Variants in RUFY4 observed in about 807,000 individuals in gnomAD.
The protein encoded by RUFY4 is RUN and FYVE domain-containing protein 4.
Under a neutral mutation model 69.0 loss-of-function variants are expected in RUFY4, and 73 were observed. The observed-to-expected ratio is 1.06, with a 90% CI of 0.88 to 1.29. The LOEUF (loss-of-function observed/expected upper bound fraction) is 1.29. Among genes scored for constraint, RUFY4 ranks in the 50% most tolerant of loss-of-function variants. The pLI is 0.00. For missense variants in RUFY4, 770 were observed against 705.6 expected, an observed-to-expected ratio of 1.09 and a Z score of -1.03; for synonymous variants, 287 against 271.8, an observed-to-expected ratio of 1.06 and a Z score of -0.55.
intron 2 of RUFY4, among the ~76,000 whole-genome samples, chr2:218,048,225 G>C (rs1358645943): frequency 6.6e-6 from 1 of 152,118 alleles, no homozygotes; most frequent in Non-Finnish European, 1.5e-5. Context: ...CACGATTGCT[G>C]ACCACATGTA....
chr2:218,052,942 T>G (rs1688979730), intron 2 of RUFY4, among the ~76,000 whole-genome samples: 1 of 152,032 alleles, frequency 6.6e-6, no homozygotes, highest in Non-Finnish European at 1.5e-5. Flanking sequence ...TGACATTTGA[T>G]TCCACTTATT....
intron 9 of RUFY4, among the ~76,000 whole-genome samples, chr2:218,086,723 G>A (rs1172112123): frequency 6.6e-6 from 1 of 152,084 alleles, no homozygotes; most frequent in Non-Finnish European, 1.5e-5. Context: ...GAGAAGATGT[G>A]GAATTCAGGG....
At chr2:218,065,177 C>T (rs145626209), upstream of RUFY4, among the ~76,000 whole-genome samples, 2 of 152,318 alleles carry the variant, frequency 1.3e-5, no homozygotes, top group African/African-American at 4.8e-5. Flanking sequence ...CACATCGAGT[C>T]CTTTATCCAA....
At chr2:218,036,578 A>G (rs1321121036) in intron 2 of RUFY4, among the ~76,000 whole-genome samples, 1 of 152,252 alleles carries the variant, frequency 6.6e-6, no homozygotes, top group Non-Finnish European at 1.5e-5. Context: ...TAGATGACGT[A>G]AAACTTTGGG....
chr2:218,039,885 C>T (rs184728601), intron 2 of RUFY4, among the ~76,000 whole-genome samples: 1 of 152,226 alleles, frequency 6.6e-6, no homozygotes, highest in African/African-American at 2.4e-5. Context: ...CACCAGACTA[C>T]CTCAAAGCAG....
intron 2 of RUFY4, among the ~76,000 whole-genome samples, chr2:218,040,861 A>T (rs967974545): frequency 1.2e-4 from 18 of 152,126 alleles, no homozygotes; most frequent in African/African-American, 4.3e-4. Flanking sequence ...ACTGAAATCT[A>T]TAGGGGTACG....
upstream of RUFY4, among the ~76,000 whole-genome samples, chr2:218,066,717 G>A (rs1689341224): frequency 6.6e-6 from 1 of 152,208 alleles, no homozygotes; most frequent in African/African-American, 2.4e-5. Flanking sequence ...TTGCATTGCT[G>A]CAATGCTATT....
At chr2:218,073,927 T>C in intron 6 of RUFY4, 42 bp downstream of exon 8, 1 of 1,592,518 alleles carries the variant, frequency 6.3e-7, no homozygotes, top group Non-Finnish European at 8.6e-7. Context: ...CTCTTCCCCA[T>C]CTCCTTGGCA....
chr2:218,051,201 A>G (rs1413705714), intron 2 of RUFY4, among the ~76,000 whole-genome samples: 1 of 152,218 alleles, frequency 6.6e-6, no homozygotes, highest in Non-Finnish European at 1.5e-5. Context: ...TAATTGTTAA[A>G]CATAGCTTTA....
intron 2 of RUFY4, among the ~76,000 whole-genome samples, chr2:218,051,124 C>T (rs1033939687): frequency 1.3e-5 from 2 of 152,144 alleles, no homozygotes. Flanking sequence ...ATCTTCCCAC[C>T]TCAGCCTCCC....
At chr2:218,040,146 T>C (rs1959041075) in intron 2 of RUFY4, among the ~76,000 whole-genome samples, 2 of 152,214 alleles carry the variant, frequency 1.3e-5, no homozygotes, top group African/African-American at 4.8e-5. Context: ...ATAAAAGTGA[T>C]CATCCATAGA....
In RUFY4 at chr2:218,075,077, T is replaced by G; in HGVS notation, c.601-16T>G. 6.7e-7 allele frequency: 1 copy of G among 1,496,146 alleles called. No individual in the cohort carries two copies. The highest frequency in any genetic ancestry group is 8.9e-7 in the Non-Finnish European group (1 of 1,118,916). The allele number at this position is 1,496,146 out of a possible 1,614,324, so 92.7% of individuals were successfully genotyped here. ...TGGTGCTGAGAGGGATGACTGGTTT[T>G]GGGTCCTCTCCACAGATCCCAGCCG... is the stretch of plus-strand genomic sequence containing the variant. On this transcript the variant is annotated splice_polypyrimidine_tract_variant and intron_variant, in intron 6 of 10. Transcript: ENST00000344321.
At chr2:218,053,778 G>A (rs868689539) in intron 2 of RUFY4, among the ~76,000 whole-genome samples, 2 of 152,126 alleles carry the variant, frequency 1.3e-5, no homozygotes, top group African/African-American at 4.8e-5. Flanking sequence ...GATTACAGGC[G>A]TGAGCCACCG....
chr2:218,061,019 A>G (rs754786558), intron 3 of RUFY4: 5 of 727,830 alleles, frequency 6.9e-6, no homozygotes, highest in Non-Finnish European at 1.0e-5. Context: ...CCAGTAGTAG[A>G]ATACCACCGT....
chr2:218,049,081 G>C (rs1688888715), intron 2 of RUFY4, among the ~76,000 whole-genome samples: 1 of 152,204 alleles, frequency 6.6e-6, no homozygotes, highest in Non-Finnish European at 1.5e-5. Context: ...TTTCATGGCT[G>C]TACTGGCTGG....
upstream of RUFY4, chr2:218,034,950 T>G (rs730232): frequency 0.23 from 35,329 of 152,406 alleles, 5,246 homozygotes; most frequent in East Asian, 0.41. Context: ...CAAGAGCAGG[T>G]GCTGAAAACG....
upstream of RUFY4, among the ~76,000 whole-genome samples, chr2:218,068,137 G>GGAGGATGGCAAGGGGTTA (rs1335551474): frequency 7.5e-6 from 1 of 133,624 alleles, no homozygotes; most frequent in East Asian, 2.4e-4. Flanking sequence ...GCAGGGGACT[G>GGAGGATGGCAAGGGGTTA]GAGGAGGGCA....
intron 10 of RUFY4, chr2:218,089,721 C>T (rs778931307): frequency 2.6e-5 from 18 of 703,718 alleles, no homozygotes; most frequent in South Asian, 2.4e-4. Flanking sequence ...GGAAAGTGAG[C>T]CACCAGGAGA....
chr2:218,074,752 A>C (rs1341820921), intron 6 of RUFY4, among the ~76,000 whole-genome samples: 2 of 152,124 alleles, frequency 1.3e-5, no homozygotes, highest in Non-Finnish European at 2.9e-5. Flanking sequence ...GAAACATGAC[A>C]TGTAGTTCGG....
Sources: gnomAD v4.1 joint callset for allele counts (sites outside exome capture counted in the v4.1 genomes callset) on GRCh38, gnomAD v4.1.1 for gene constraint, MANE v1.5 for transcripts, NCBI Gene and HGNC (gene_info 2026-07-23, HGNC 2026-07-21) for gene names.